Variants in DCLRE1B observed in about 807,000 individuals in gnomAD.
DCLRE1B encodes DNA cross-link repair 1B, also known as 5' exonuclease Apollo.
A neutral mutation model predicts 19.8 loss-of-function variants in DCLRE1B; 6 were observed. The ratio of observed to expected loss-of-function variants is 0.30; its 90% CI spans 0.17 to 0.60. DCLRE1B has a LOEUF of 0.60. Ranked by LOEUF, DCLRE1B falls within the 20% of genes least tolerant of loss-of-function variation. The probability of loss-of-function intolerance (pLI) is 0.87; values close to 1 mark genes in which losing one functional copy is unlikely to be tolerated. For missense variants in DCLRE1B, 622 were observed against 654.2 expected, an observed-to-expected ratio of 0.95 and a Z score of 0.54; for synonymous variants, 258 against 255.7, an observed-to-expected ratio of 1.01 and a Z score of -0.09.
intron 3 of DCLRE1B, among the ~76,000 whole-genome samples, chr1:113,909,936 A>AATAT (rs1294792929): frequency 6.6e-6 from 1 of 152,184 alleles, no homozygotes; most frequent in Admixed American, 6.5e-5. Context: ...GGATATAAAT[A>AATAT]ATATATACTT....
In DCLRE1B at chr1:113,905,719, G is replaced by GC; in HGVS notation, c.136dup (p.Arg46ProfsTer21). Reference sequence around the variant, plus strand: ...CACCGTGGGCCTGTCTAGCACCTGGGCCCGGCCCCTCTACTGCTCCCCAAT... The same window carrying GC: ...CACCGTGGGCCTGTCTAGCACCTGGGCCCCGGCCCCTCTACTGCTCCCCAAT... On this transcript the variant is annotated frameshift_variant, in exon 1 of 4. Transcript: ENST00000650450. LOFTEE classifies it high-confidence loss of function. 1.2e-6 allele frequency: 2 copies of GC among 1,614,120 alleles called. No homozygotes were observed. The highest frequency in any genetic ancestry group is 1.7e-6 in the Non-Finnish European group (2 of 1,180,014).
chr1:113,912,152 AT>A lies in DCLRE1B; in HGVS notation c.1563del (p.Phe521LeufsTer29). 6.2e-7 allele frequency: 1 copy of A among 1,613,998 alleles called. No individual in the cohort carries two copies. Among genetic ancestry groups the A allele is most frequent in the Non-Finnish European group, 8.5e-7 (1 of 1,179,968 alleles). ...FFQAGYSSRR[F>X]DQQVEKYHKP... ...TCCAGGCAGGGTATTCTTCCAGGAG[AT>A]TTGACCAGCAAGTGGAAAAATACCA... On this transcript the variant is annotated frameshift_variant, in exon 4 of 4. Coordinates refer to ENST00000650450, the MANE Select transcript of DCLRE1B (RefSeq NM_022836.4). LOFTEE classifies it high-confidence loss of function.
chr1:113,909,621 C>G (rs1242200219), intron 3 of DCLRE1B, among the ~76,000 whole-genome samples: 1 of 152,180 alleles, frequency 6.6e-6, no homozygotes, highest in Non-Finnish European at 1.5e-5. Context: ...TTATAAAGAC[C>G]TAACCATTCT....
rs1308366517 is a variant in DCLRE1B, at chr1:113,909,870, A to C, written c.539-1261A>C. 2.0e-5 allele frequency among the ~76,000 whole-genome samples: 3 copies of C among 152,132 alleles called. No individual in the cohort carries two copies. In the South Asian group the frequency reaches 6.2e-4, roughly 32 times the overall value. On this transcript the variant is annotated intron_variant, in intron 3 of 3. Coordinates refer to ENST00000650450, the MANE Select transcript of DCLRE1B (RefSeq NM_022836.4). ...GGGAATATATATAGAGAGAAGAAAA[A>C]TCCGCTCCATTTGTGCCCAAGGAGT...
rs1669297131 is a variant in DCLRE1B at position 113,912,363 on chromosome 1, G to A, written c.*172G>A. ...CCAAAACTTGTTCACTGGGGTCCTC[G>A]TGCCTATGGAATCCTTCTTTTTATA... On this transcript the variant is annotated 3_prime_UTR_variant, in exon 4 of 4. Transcript: ENST00000650450. The A allele has an allele frequency of 7.1e-6, 4 of 560,192 alleles. No individual in the cohort carries two copies. Among genetic ancestry groups the A allele is most frequent in the Non-Finnish European group, 1.2e-5 (4 of 333,642 alleles). 34.7% of individuals were successfully genotyped at this position (560,192 alleles called of 1,614,324 possible). A position where few individuals can be genotyped will look rare whatever the true frequency, so the allele number is the denominator to read the frequency against.
At chr1:113,907,978 A>G in intron 2 of DCLRE1B, 31 bp from the exon 3 acceptor site, 1 of 1,594,264 alleles carries the variant, frequency 6.3e-7, no homozygotes, top group Non-Finnish European at 8.5e-7. Context: ...TTTGTCTCTG[A>G]CCTTCTGCCC....
chr1:113,912,139 ATTC>A lies in DCLRE1B; in HGVS notation c.1551_1553del (p.Ser518del). 1 of 1,614,186 alleles carries A rather than the reference ATTC, an allele frequency of 6.2e-7. No individual in the cohort carries two copies. The highest frequency in any genetic ancestry group is 1.1e-5 in the South Asian group (1 of 91,086). On this transcript the variant is annotated inframe_deletion, in exon 4 of 4. Transcript: ENST00000650450. Reference sequence around the variant, plus strand: ...CCAGTGAACTTTTTCCAGGCAGGGTATTCTTCCAGGAGATTTGACCAGCAAGTG... The same window carrying A: ...CCAGTGAACTTTTTCCAGGCAGGGTATTCCAGGAGATTTGACCAGCAAGTG...
chr1:113,905,697 C>CGA lies in DCLRE1B; in HGVS notation c.112_113insAG (p.Val38GlufsTer46). 3 of 1,614,188 alleles carry CGA rather than the reference C, an allele frequency of 1.9e-6. No individual in the cohort carries two copies. Among genetic ancestry groups the CGA allele is most frequent in the Non-Finnish European group, 2.5e-6 (3 of 1,180,042 alleles). Reference sequence around the variant, plus strand: ...TGTCTCACATGCACTCGGACCACACCGTGGGCCTGTCTAGCACCTGGGCCC... The same window carrying CGA: ...TGTCTCACATGCACTCGGACCACACCGAGTGGGCCTGTCTAGCACCTGGGCCC... On this transcript the variant is annotated frameshift_variant, in exon 1 of 4. Transcript: ENST00000650450. LOFTEE classifies it high-confidence loss of function.
intron 3 of DCLRE1B, 69 bp from the exon 4 acceptor site, chr1:113,911,062 A>T (rs902580118): frequency 7.1e-7 from 1 of 1,410,376 alleles, no homozygotes; most frequent in African/African-American, 1.4e-5. Flanking sequence ...TTGTTGATTT[A>T]TTAGGATTTT....
upstream of DCLRE1B, chr1:113,904,954 G>A (rs1300283804): frequency 2.0e-6 from 1 of 501,246 alleles, no homozygotes; most frequent in Non-Finnish European, 3.7e-6. Context: ...TCGGCCGGCA[G>A]GCCGTTCGCC....
At chr1:113,906,046 C>CTTTT (rs1159693224) in intron 1 of DCLRE1B, among the ~76,000 whole-genome samples, 3 of 68,102 alleles carry the variant, frequency 4.4e-5, no homozygotes, top group South Asian at 4.7e-4. Flanking sequence ...CCAAACTTGC[C>CTTTT]TTTTTTTTTT....
upstream of DCLRE1B, chr1:113,904,849 G>C: frequency 1.1e-5 from 9 of 839,206 alleles, no homozygotes; most frequent in Non-Finnish European, 1.4e-5. Flanking sequence ...CTCGCCTCAG[G>C]CTCGGCTTCC....
chr1:113,907,999 A>G lies in DCLRE1B; in HGVS notation c.356-10A>G. 6.2e-7 allele frequency: 1 copy of G among 1,611,566 alleles called. No homozygotes were observed. The highest frequency in any genetic ancestry group is 8.5e-7 in the Non-Finnish European group (1 of 1,178,694). On this transcript the variant is annotated splice_polypyrimidine_tract_variant and intron_variant, in intron 2 of 3. Coordinates refer to ENST00000650450, the MANE Select transcript of DCLRE1B (RefSeq NM_022836.4). Reference sequence around the variant, plus strand: ...TCTGACCTTCTGCCCCCATGTACATATTCCTCCAGGTGATTTTCGATACAC... The same window carrying G: ...TCTGACCTTCTGCCCCCATGTACATGTTCCTCCAGGTGATTTTCGATACAC...
chr1:113,905,821 G>T (rs1399850257), intron 1 of DCLRE1B, 46 bp downstream of exon 1: 1 of 1,562,284 alleles, frequency 6.4e-7, no homozygotes, highest in Non-Finnish European at 8.7e-7. Flanking sequence ...AGGCATCTGG[G>T]TTGGGACTTC....
upstream of DCLRE1B, chr1:113,904,719 T>C: frequency 6.2e-7 from 1 of 1,612,008 alleles, no homozygotes; most frequent in Non-Finnish European, 8.5e-7. Flanking sequence ...GTACGGCATC[T>C]TCCTAAGAGT....
chr1:113,907,195 A>C, intron 2 of DCLRE1B, 34 bp downstream of exon 2: 1 of 645,558 alleles, frequency 1.5e-6, no homozygotes, highest in Non-Finnish European at 2.4e-6. Flanking sequence ...TGACTTCTCC[A>C]GACTAGATGT....
At chr1:113,908,957 T>TA (rs758384513) in intron 3 of DCLRE1B, among the ~76,000 whole-genome samples, 6 of 152,364 alleles carry the variant, frequency 3.9e-5, no homozygotes, top group South Asian at 2.1e-4. Context: ...GAAGTGCTGT[T>TA]AAGCCATTTT....
At position 113,912,197 on chromosome 1, in the gene DCLRE1B, G is replaced by A; in HGVS notation, c.*6G>A. 6.2e-7 allele frequency: 1 copy of A among 1,600,852 alleles called. No homozygotes were observed. Among genetic ancestry groups the A allele is most frequent in the Non-Finnish European group, 8.5e-7 (1 of 1,174,548 alleles). On this transcript the variant is annotated 3_prime_UTR_variant, in exon 4 of 4. Transcript: ENST00000650450. ...AATACCATAAACCCTGCTGAAGACAGGAGAGTACAGAATGACAACATTGAG... is the reference window on the plus strand; with the variant it reads ...AATACCATAAACCCTGCTGAAGACAAGAGAGTACAGAATGACAACATTGAG...
intron 2 of DCLRE1B, 101 bp from the exon 3 acceptor site, chr1:113,907,908 C>A: frequency 7.4e-7 from 1 of 1,345,920 alleles, no homozygotes; most frequent in Non-Finnish European, 1.0e-6. Context: ...AGTTTTTTCA[C>A]AGACTAGTAA....
Sources: allele counts gnomAD v4.1 joint callset (sites outside exome capture counted in the v4.1 genomes callset), GRCh38; gene constraint gnomAD v4.1.1; transcripts MANE v1.5; gene names NCBI Gene and HGNC (gene_info 2026-07-23, HGNC 2026-07-21).